Variants in ENOPH1 observed in about 807,000 individuals in gnomAD.
The protein encoded by ENOPH1 is enolase-phosphatase 1, also known as enolase-phosphatase E1.
ENOPH1 carries 14 observed loss-of-function variants against 31.1 expected under a neutral mutation model. That is an observed-to-expected ratio of 0.45 (90% confidence interval 0.30 to 0.70). ENOPH1 has a LOEUF of 0.70. Among genes scored for constraint, ENOPH1 ranks in the 30% least tolerant of loss-of-function variants. ENOPH1 has a pLI of 0.09. For synonymous variants in ENOPH1, 127 were observed against 123.2 expected (o/e 1.03, Z -0.21); for missense variants, 243 against 321.5 (o/e 0.76, Z 1.87).
intron 1 of ENOPH1, among the ~76,000 whole-genome samples, chr4:82,444,711 C>T (rs1011746103): frequency 6.6e-6 from 1 of 152,168 alleles, no homozygotes; most frequent in African/African-American, 2.4e-5. Flanking sequence ...TCTGTAACAT[C>T]TAATGGAATT....
intron 3 of ENOPH1, among the ~76,000 whole-genome samples, chr4:82,454,292 G>A (rs1327234490): frequency 6.6e-6 from 1 of 152,122 alleles, no homozygotes; most frequent in Non-Finnish European, 1.5e-5. Context: ...ATTATTTTGG[G>A]TGCAGATCTT....
At chr4:82,453,311 CTTTA>C (rs1722402650) in intron 3 of ENOPH1, among the ~76,000 whole-genome samples, 1 of 152,038 alleles carries the variant, frequency 6.6e-6, no homozygotes, top group African/African-American at 2.4e-5. Flanking sequence ...GATGTTGTTT[CTTTA>C]TTTATGTACT....
intron 5 of ENOPH1, among the ~76,000 whole-genome samples, chr4:82,458,972 ACT>A (rs750687109): frequency 5.3e-5 from 8 of 151,814 alleles, no homozygotes; most frequent in Non-Finnish European, 1.0e-4. Flanking sequence ...TGGGAACTTA[ACT>A]CTCTCAGCAC....
chr4:82,439,005 G>C (rs1405373202), intron 1 of ENOPH1, among the ~76,000 whole-genome samples: 1 of 152,198 alleles, frequency 6.6e-6, no homozygotes, highest in African/African-American at 2.4e-5. Flanking sequence ...AAACCAACCT[G>C]CCCTAATCCT....
rs757148379 is a variant in ENOPH1, at chr4:82,451,076, C to G, written c.220C>G (p.Pro74Ala). 2 of 1,614,150 alleles carry G rather than the reference C, an allele frequency of 1.2e-6. No individual in the cohort carries two copies. Among genetic ancestry groups the G allele is most frequent in the Non-Finnish European group, 1.7e-6 (2 of 1,180,020 alleles). Reference sequence around the variant, plus strand: ...GGACGCCCACCTGGATGGGGCTGTTCCTATCCCTGCAGCATCTGGGAATGG... The same window carrying G: ...GGACGCCCACCTGGATGGGGCTGTTGCTATCCCTGCAGCATCTGGGAATGG... The part of the protein sequence containing the change: ...EEDAHLDGAV[P>A]IPAASGNGVD... Residue 74 changes from proline (P) to alanine (A), a missense_variant, in exon 3 of 6, where the codon CCT becomes GCT. Pro to Ala is a conservative substitution (Grantham distance 27). Coordinates refer to ENST00000273920, the MANE Select transcript of ENOPH1 (RefSeq NM_021204.5).
At chr4:82,457,518 G>C (rs867207797) in intron 5 of ENOPH1, among the ~76,000 whole-genome samples, 1 of 152,076 alleles carries the variant, frequency 6.6e-6, no homozygotes, top group Non-Finnish European at 1.5e-5. Flanking sequence ...TCTCAAAAAA[G>C]AATGAACCAA....
intron 1 of ENOPH1, among the ~76,000 whole-genome samples, chr4:82,443,410 C>CA (rs141987709): frequency 0.11 from 14,661 of 139,434 alleles, 1,021 homozygotes; most frequent in African/African-American, 0.21. Context: ...GCACTCCGTC[C>CA]AAAAAAAAAA....
At chr4:82,435,374 G>A (rs1721880097) in intron 1 of ENOPH1, among the ~76,000 whole-genome samples, 1 of 152,204 alleles carries the variant, frequency 6.6e-6, no homozygotes, top group Non-Finnish European at 1.5e-5. Context: ...AGAGTGCTGG[G>A]ATTATAGGCA....
intron 1 of ENOPH1, among the ~76,000 whole-genome samples, chr4:82,441,362 C>T (rs1179896897): frequency 6.6e-6 from 1 of 152,138 alleles, no homozygotes; most frequent in Non-Finnish European, 1.5e-5. Flanking sequence ...GTGGCTCATG[C>T]CTGTAATCCC....
chr4:82,436,642 G>A (rs1009183690), intron 1 of ENOPH1, among the ~76,000 whole-genome samples: 1 of 150,666 alleles, frequency 6.6e-6, no homozygotes, highest in Non-Finnish European at 1.5e-5. Context: ...AGCCATGATC[G>A]TGCCACTGCA....
chr4:82,432,537 T>A (rs970046296), intron 1 of ENOPH1, among the ~76,000 whole-genome samples: 1 of 151,892 alleles, frequency 6.6e-6, no homozygotes, highest in Non-Finnish European at 1.5e-5. Context: ...TAGAAGAGGG[T>A]TTCACCAGGC....
At chr4:82,450,405 GACTT>G (rs1722317752) in intron 2 of ENOPH1, among the ~76,000 whole-genome samples, 1 of 152,170 alleles carries the variant, frequency 6.6e-6, no homozygotes, top group Admixed American at 6.5e-5. Flanking sequence ...GTTAAATGAG[GACTT>G]ACTTTACTTT....
chr4:82,435,445 G>A (rs80121487), intron 1 of ENOPH1, among the ~76,000 whole-genome samples: 6,082 of 152,216 alleles, frequency 0.04, 416 homozygotes, highest in African/African-American at 0.14. Flanking sequence ...TCACTGGGTT[G>A]TCCAGGCTGG....
At chr4:82,436,045 G>C (rs2110036984) in intron 1 of ENOPH1, among the ~76,000 whole-genome samples, 1 of 152,288 alleles carries the variant, frequency 6.6e-6, no homozygotes, top group Non-Finnish European at 1.5e-5. Context: ...GGATTGATAA[G>C]GAAAAGAGGG....
At chr4:82,430,943 C>T in intron 1 of ENOPH1, 30 bp downstream of exon 1, 1 of 1,592,672 alleles carries the variant, frequency 6.3e-7, no homozygotes, top group Non-Finnish European at 8.6e-7. Flanking sequence ...GGGGATGTTA[C>T]TTTTCCTTAA....
intron 1 of ENOPH1, among the ~76,000 whole-genome samples, chr4:82,443,502 G>A (rs1189260819): frequency 6.6e-6 from 1 of 151,810 alleles, no homozygotes; most frequent in African/African-American, 2.4e-5. Flanking sequence ...GCCGAGGCTG[G>A]CAGATCACGA....
intron 4 of ENOPH1, 95 bp from the exon 5 acceptor site, chr4:82,456,820 A>G (rs1722501808): frequency 2.1e-6 from 3 of 1,454,402 alleles, no homozygotes; most frequent in Admixed American, 2.0e-5. Flanking sequence ...TACTGAACGA[A>G]TGAAGTAATT....
chr4:82,440,607 A>G (rs989049246), intron 1 of ENOPH1, among the ~76,000 whole-genome samples: 3 of 152,210 alleles, frequency 2.0e-5, no homozygotes, highest in South Asian at 2.1e-4. Context: ...GGGCCAGTCA[A>G]GTTCCCTTTC....
chr4:82,432,785 G>A lies in ENOPH1; in HGVS notation c.84+1872G>A, dbSNP rs550355395. Among the ~76,000 whole-genome samples, 168 of 152,108 alleles carry A rather than the reference G, an allele frequency of 1.1e-3. 1 individual carries two copies. Among genetic ancestry groups the A allele is most frequent in the Non-Finnish European group, 2.1e-3 (140 of 67,990 alleles). ...CTTCCGAGTAGCTGAGATTACAGACGCGCACCACCACGCCCGGCTAATTTT... is the reference window on the plus strand; with the variant it reads ...CTTCCGAGTAGCTGAGATTACAGACACGCACCACCACGCCCGGCTAATTTT... On this transcript the variant is annotated intron_variant, in intron 1 of 5. Coordinates refer to ENST00000273920, the MANE Select transcript of ENOPH1 (RefSeq NM_021204.5).
Sources: gnomAD v4.1 joint callset for allele counts (sites outside exome capture counted in the v4.1 genomes callset) on GRCh38, gnomAD v4.1.1 for gene constraint, MANE v1.5 for transcripts, NCBI Gene and HGNC (gene_info 2026-07-23, HGNC 2026-07-21) for gene names.